Variants in HNF4A observed in about 807,000 individuals in gnomAD.
HNF4A encodes hepatocyte nuclear factor 4 alpha, also known as hepatocyte nuclear factor 4-alpha.
Under a neutral mutation model 52.4 loss-of-function variants are expected in HNF4A, and 15 were observed. That is an observed-to-expected ratio of 0.29 (90% CI 0.19 to 0.44). The LOEUF (loss-of-function observed/expected upper bound fraction) is 0.44, where lower values mean the gene tolerates loss of function less well. HNF4A is among the 20% of genes least tolerant of loss of function. HNF4A has a pLI of 1.00. For missense variants in HNF4A, 479 were observed against 647.2 expected (o/e 0.74, Z 2.82); for synonymous variants, 280 against 264.4 (o/e 1.06, Z -0.57).
intron 1 of HNF4A, 101 bp downstream of exon 1, chr20:44,355,954 T>G: frequency 1.0e-6 from 1 of 989,320 alleles, no homozygotes; most frequent in Non-Finnish European, 1.5e-6. Context: ...CCAAAGCTCC[T>G]CCTGGAGCTC....
upstream of HNF4A, among the ~76,000 whole-genome samples, chr20:44,399,061 C>T (rs758349323): frequency 1.1e-4 from 16 of 152,224 alleles, no homozygotes; most frequent in Admixed American, 2.0e-4. Flanking sequence ...CCCTCCACAT[C>T]TCTTCTGTGT....
upstream of HNF4A, among the ~76,000 whole-genome samples, chr20:44,400,749 G>T (rs981302022): frequency 1.3e-5 from 2 of 152,222 alleles, no homozygotes; most frequent in South Asian, 2.1e-4. Context: ...CCGGGAAACT[G>T]CGGGGGAACT....
At chr20:44,380,279 C>T (rs1414346931) in intron 1 of HNF4A, among the ~76,000 whole-genome samples, 2 of 152,128 alleles carry the variant, frequency 1.3e-5, no homozygotes, top group African/African-American at 4.8e-5. Context: ...GGAGAAATGC[C>T]TATTCAAGTC....
intron 2 of HNF4A, among the ~76,000 whole-genome samples, chr20:44,407,134 G>A (rs2063512236): frequency 6.6e-6 from 1 of 152,192 alleles, no homozygotes; most frequent in African/African-American, 2.4e-5. Flanking sequence ...ACACCAACCA[G>A]CAGAGCGACC....
chr20:44,400,066 G>A (rs2146335326), upstream of HNF4A, among the ~76,000 whole-genome samples: 1 of 152,366 alleles, frequency 6.6e-6, no homozygotes, highest in South Asian at 2.1e-4. Flanking sequence ...GCTGGAGGGA[G>A]TGAGAAGAAC....
chr20:44,430,342 CCTCATCCT>C lies in HNF4A; in HGVS notation c.*679_*686del, dbSNP rs2063863624. 1.3e-5 allele frequency: 2 copies of C among 152,494 alleles called. No homozygotes were observed. Among genetic ancestry groups the C allele is most frequent in the African/African-American group, 2.4e-5 (1 of 41,470 alleles). 9.4% of individuals were successfully genotyped at this position (152,494 alleles called of 1,614,324 possible). On this transcript the variant is annotated 3_prime_UTR_variant, in exon 10 of 10. Coordinates refer to ENST00000316099, the MANE Select transcript of HNF4A (RefSeq NM_000457.6). Reference sequence around the variant, plus strand: ...AAGACGCCTTTCTCCTCCAACCCAACCTCATCCTCCTTCTTCAGGGACTTGGGTGGGTA... The same window carrying C: ...AAGACGCCTTTCTCCTCCAACCCAACCCTTCTTCAGGGACTTGGGTGGGTA...
chr20:44,393,582 A>T (rs2063325704), intron 1 of HNF4A, among the ~76,000 whole-genome samples: 1 of 152,224 alleles, frequency 6.6e-6, no homozygotes, highest in African/African-American at 2.4e-5. Context: ...TATATGGCTC[A>T]ACCTCCCTGT....
chr20:44,376,408 AC>A (rs1341361355), intron 1 of HNF4A, among the ~76,000 whole-genome samples: 1 of 152,188 alleles, frequency 6.6e-6, no homozygotes, highest in African/African-American at 2.4e-5. Context: ...AAGATGGTTG[AC>A]TTTTTTTTAT....
At chr20:44,420,273 A>C (rs1262863699) in intron 7 of HNF4A, among the ~76,000 whole-genome samples, 1 of 152,000 alleles carries the variant, frequency 6.6e-6, no homozygotes. Flanking sequence ...CGGAGGTTGC[A>C]GTGAGCCAAG....
chr20:44,412,885 G>T (rs1040643839), intron 3 of HNF4A, among the ~76,000 whole-genome samples: 2 of 152,164 alleles, frequency 1.3e-5, no homozygotes, highest in Non-Finnish European at 2.9e-5. Context: ...GAGAGGCTGC[G>T]ATTGCCACCG....
downstream of HNF4A, chr20:44,432,892 A>C (rs1322345610): frequency 6.6e-6 from 1 of 152,254 alleles, no homozygotes; most frequent in Non-Finnish European, 1.5e-5. Flanking sequence ...AATAAGACTG[A>C]ATCTTCTGGT....
intron 1 of HNF4A, among the ~76,000 whole-genome samples, chr20:44,385,575 T>C (rs1399398899): frequency 6.6e-6 from 1 of 151,518 alleles, no homozygotes; most frequent in Non-Finnish European, 1.5e-5. Flanking sequence ...TTCAAGCAAT[T>C]CTCCTGCCCC....
At chr20:44,402,385 C>T (rs996316564) in intron 1 of HNF4A, among the ~76,000 whole-genome samples, 6 of 152,050 alleles carry the variant, frequency 3.9e-5, no homozygotes, top group Admixed American at 1.3e-4. Context: ...GGCGTTTTGT[C>T]GTGTGCCCAT....
At chr20:44,375,979 G>A (rs2063080758) in intron 1 of HNF4A, among the ~76,000 whole-genome samples, 1 of 152,126 alleles carries the variant, frequency 6.6e-6, no homozygotes, top group Non-Finnish European at 1.5e-5. Flanking sequence ...GGGCATGGTG[G>A]CTCATGCCTG....
At chr20:44,420,884 A>G (rs1600736316) in intron 7 of HNF4A, among the ~76,000 whole-genome samples, 1 of 152,124 alleles carries the variant, frequency 6.6e-6, no homozygotes, top group Non-Finnish European at 1.5e-5. Context: ...TCCCCATCCT[A>G]CTTTTCCAGC....
intron 1 of HNF4A, chr20:44,389,788 G>A (rs1265263201): frequency 6.6e-6 from 1 of 152,420 alleles, no homozygotes; most frequent in Admixed American, 6.5e-5. Context: ...TGGGGGCTAT[G>A]GGGGGACAGA....
intron 1 of HNF4A, among the ~76,000 whole-genome samples, chr20:44,375,495 GT>G (rs11476597): frequency 0.02 from 2,909 of 142,020 alleles, 64 homozygotes; most frequent in African/African-American, 0.059. Context: ...AAATGTTTTT[GT>G]TTTTTTTTTT....
downstream of HNF4A, chr20:44,433,372 TG>T (rs2063898825): frequency 6.4e-6 from 1 of 156,412 alleles, no homozygotes; most frequent in African/African-American, 2.4e-5. Flanking sequence ...TGTTTTGTTT[TG>T]TTTTTTGTTT....
At chr20:44,425,018 A>G (rs775157458) in intron 8 of HNF4A, among the ~76,000 whole-genome samples, 20 of 152,182 alleles carry the variant, frequency 1.3e-4, no homozygotes, top group African/African-American at 2.2e-4. Flanking sequence ...GTCTCCCTCA[A>G]TCATCCAGGC....
Sources: allele counts gnomAD v4.1 joint callset (sites outside exome capture counted in the v4.1 genomes callset), GRCh38; gene constraint gnomAD v4.1.1; transcripts MANE v1.5; gene names NCBI Gene and HGNC (gene_info 2026-07-23, HGNC 2026-07-21).